Variants in DEFB123 observed in about 807,000 individuals in gnomAD.
DEFB123 encodes beta-defensin 123.
For synonymous variants in DEFB123, 22 were observed against 28.3 expected, an observed-to-expected ratio of 0.78 and a Z score of 0.71; for missense variants, 71 against 75.0, an observed-to-expected ratio of 0.95 and a Z score of 0.20.
rs111962186 is a variant in DEFB123, at chr20:31,442,754, G to A, written c.58+1998G>A. ...CTCCTAAGTAACTGGGATTACAGGC[G>A]CCTGCAACCACGCCTGGCAAATTTT... On this transcript the variant is annotated intron_variant, in intron 1 of 1. Coordinates refer to ENST00000376309, the MANE Select transcript of DEFB123 (RefSeq NM_153324.4). 1.5e-3 allele frequency among the ~76,000 whole-genome samples: 230 copies of A among 151,914 alleles called. 1 individual carries two copies. Among genetic ancestry groups the A allele is most frequent in the Middle Eastern group, 6.8e-3 (2 of 294 alleles).
chr20:31,446,502 G>C (rs1470471579), intron 1 of DEFB123, among the ~76,000 whole-genome samples: 1 of 152,206 alleles, frequency 6.6e-6, no homozygotes, highest in African/African-American at 2.4e-5. Context: ...AAGTTTCCGA[G>C]AGTTGTGATT....
rs59939526 is a variant in DEFB123 at position 31,449,767 on chromosome 20, CAAAAAAAAAAA to C, written c.59-247_59-237del. ...CTAGGTGACAGAGCAAGACTCATCT[CAAAAAAAAAAA>C]AAAAAAAAAAAAAAGACAATCCGCA... On this transcript the variant is annotated intron_variant, in intron 1 of 1. Coordinates refer to ENST00000376309, the MANE Select transcript of DEFB123 (RefSeq NM_153324.4). 3.2e-4 allele frequency among the ~76,000 whole-genome samples: 17 copies of C among 52,520 alleles called. 1 individual carries two copies. The East Asian group carries it at 7.7e-3, about 24-fold the overall frequency. 34.5% of individuals were successfully genotyped at this position (52,520 alleles called of 152,430 possible). A position where few individuals can be genotyped will look rare whatever the true frequency, so the allele number is the denominator to read the frequency against.
chr20:31,445,461 G>A (rs747556692), intron 1 of DEFB123, among the ~76,000 whole-genome samples: 239 of 152,296 alleles, frequency 1.6e-3, no homozygotes, highest in Non-Finnish European at 1.2e-3. Flanking sequence ...ACAGAATACA[G>A]GCTTGATGAT....
At chr20:31,447,696 A>G (rs1167732514) in intron 1 of DEFB123, among the ~76,000 whole-genome samples, 4 of 149,398 alleles carry the variant, frequency 2.7e-5, no homozygotes, top group Admixed American at 2.7e-4. Flanking sequence ...AGCTCACTGC[A>G]GCCTCGACCT....
chr20:31,446,596 G>A, intron 1 of DEFB123, among the ~76,000 whole-genome samples: 1 of 152,224 alleles, frequency 6.6e-6, no homozygotes, highest in South Asian at 2.1e-4. Context: ...TATCTGGAGT[G>A]ACGAGATATT....
chr20:31,449,801 G>A (rs1274633183), intron 1 of DEFB123, among the ~76,000 whole-genome samples: 7 of 137,904 alleles, frequency 5.1e-5, no homozygotes, highest in African/African-American at 1.1e-4. Context: ...AAGACAATCC[G>A]CACACATAAA....
At chr20:31,447,976 C>T (rs1046243002) in intron 1 of DEFB123, among the ~76,000 whole-genome samples, 9 of 151,816 alleles carry the variant, frequency 5.9e-5, no homozygotes, top group Admixed American at 3.3e-4. Flanking sequence ...TTAGTAGAGA[C>T]GGGGTTTCAC....
intron 1 of DEFB123, among the ~76,000 whole-genome samples, chr20:31,442,090 A>G (rs551450416): frequency 1.3e-5 from 2 of 152,310 alleles, no homozygotes; most frequent in Non-Finnish European, 2.9e-5. Flanking sequence ...GATAAATGAC[A>G]TGGCACCAGG....
chr20:31,441,420 A>T (rs1256891784), intron 1 of DEFB123, among the ~76,000 whole-genome samples: 2 of 152,004 alleles, frequency 1.3e-5, no homozygotes, highest in Non-Finnish European at 2.9e-5. Flanking sequence ...CCAGGCAGAG[A>T]GGTCAGCCTA....
At chr20:31,441,778 A>G (rs187708929) in intron 1 of DEFB123, among the ~76,000 whole-genome samples, 6 of 152,164 alleles carry the variant, frequency 3.9e-5, no homozygotes, top group Admixed American at 3.9e-4. Context: ...AGGCCCTAAA[A>G]CACCACTCAC....
rs1396457555 is a variant in DEFB123 at position 31,450,012 on chromosome 20, T to A, written c.59-17T>A. On this transcript the variant is annotated splice_polypyrimidine_tract_variant and intron_variant, in intron 1 of 1. Transcript: ENST00000376309. ...GTTAGGACTGATACTGTCTCCCTTC[T>A]TTCTGCTTTGTGTCAGGTGGCACCC... 1 of 1,602,068 alleles carries A rather than the reference T, an allele frequency of 6.2e-7. No homozygotes were observed.
intron 1 of DEFB123, among the ~76,000 whole-genome samples, chr20:31,447,285 A>T (rs1297322863): frequency 6.6e-6 from 1 of 152,050 alleles, no homozygotes; most frequent in Non-Finnish European, 1.5e-5. Flanking sequence ...TAATAAAAAT[A>T]AAAATAAATA....
At chr20:31,446,306 C>G (rs1320210411) in intron 1 of DEFB123, among the ~76,000 whole-genome samples, 2 of 152,184 alleles carry the variant, frequency 1.3e-5, no homozygotes, top group Admixed American at 6.5e-5. Flanking sequence ...GGCTGAGAAA[C>G]GGATTCAGGA....
chr20:31,445,251 A>T (rs1979558837), intron 1 of DEFB123, among the ~76,000 whole-genome samples: 2 of 152,238 alleles, frequency 1.3e-5, no homozygotes, highest in Admixed American at 1.3e-4. Flanking sequence ...ATTAGGAGGC[A>T]CATAATATCT....
rs967930880 is a variant in DEFB123 at position 31,447,880 on chromosome 20, G to C, written c.59-2149G>C. Among the ~76,000 whole-genome samples the C allele has an allele frequency of 5.1e-5, 7 of 137,180 alleles. No individual in the cohort carries two copies. In the Admixed American group the frequency reaches 5.1e-4, roughly 10 times the overall value. The allele number at this position is 137,180 out of a possible 152,430, so 90.0% of individuals were successfully genotyped here. A position where few individuals can be genotyped will look rare whatever the true frequency, so the allele number is the denominator to read the frequency against. On this transcript the variant is annotated intron_variant, in intron 1 of 1. Transcript: ENST00000376309. ...CGGCTCACTGCAAGCTCTGCCTCCC[G>C]GGTTCACGCCATTGTCCTGCCTCAG...
At position 31,450,135 on chromosome 20, in the gene DEFB123, G is replaced by A; in HGVS notation, c.165G>A (p.Lys55=). Residue 55 remains lysine (K), a synonymous_variant, in exon 2 of 2, where the codon AAG becomes AAA. Coordinates refer to ENST00000376309, the MANE Select transcript of DEFB123 (RefSeq NM_153324.4). ...YCINNKMCCV[K]PKYQPKERWW... ...TAAATAATAAAATGTGCTGCGTGAA[G>A]CCCAAGTACCAGCCAAAAGAAAGGT... 6.2e-7 allele frequency: 1 copy of A among 1,609,982 alleles called. No individual in the cohort carries two copies. Among genetic ancestry groups the A allele is most frequent in the Non-Finnish European group, 8.5e-7 (1 of 1,178,528 alleles).
In DEFB123 at chr20:31,440,678, T is replaced by A; in HGVS notation, c.-21T>A. 6.2e-7 allele frequency: 1 copy of A among 1,613,614 alleles called. No individual in the cohort carries two copies. The highest frequency in any genetic ancestry group is 8.5e-7 in the Non-Finnish European group (1 of 1,180,008). On this transcript the variant is annotated 5_prime_UTR_variant, in exon 1 of 2. Coordinates refer to ENST00000376309, the MANE Select transcript of DEFB123 (RefSeq NM_153324.4). ...CAGCCGTGGCATCGGACTTGCAGCTTCATTTTGGGCTGCCTTAGCCATGAA... is the reference window on the plus strand; with the variant it reads ...CAGCCGTGGCATCGGACTTGCAGCTACATTTTGGGCTGCCTTAGCCATGAA...
intron 1 of DEFB123, among the ~76,000 whole-genome samples, chr20:31,449,369 C>T (rs112961287): frequency 0.012 from 1,782 of 152,128 alleles, 27 homozygotes; most frequent in African/African-American, 0.041. Context: ...AGGATGGGTA[C>T]AGGGTATTCT....
Position 31,450,222 on chromosome 20 carries a change from G to T in DEFB123, c.*48G>T. 2 of 1,566,060 alleles carry T rather than the reference G, an allele frequency of 1.3e-6. No homozygotes were observed. Among genetic ancestry groups the T allele is most frequent in the East Asian group, 2.3e-5 (1 of 43,342 alleles). On this transcript the variant is annotated 3_prime_UTR_variant, in exon 2 of 2. Transcript: ENST00000376309. Reference sequence around the variant, plus strand: ...GAAAATGCAGATGAAGCTCCCAGTGGATTCCCACACTCTATCAATAAACAC... The same window carrying T: ...GAAAATGCAGATGAAGCTCCCAGTGTATTCCCACACTCTATCAATAAACAC...
Sources: gnomAD v4.1 joint callset for allele counts (sites outside exome capture counted in the v4.1 genomes callset) on GRCh38, gnomAD v4.1.1 for gene constraint, MANE v1.5 for transcripts, NCBI Gene and HGNC (gene_info 2026-07-23, HGNC 2026-07-21) for gene names.